The following ATP10B variants were observed in gnomAD, a reference collection of about 807,000 sequenced individuals.
ATP10B encodes ATPase phospholipid transporting 10B (putative), also known as phospholipid-transporting ATPase VB.
In ATP10B, 122 loss-of-function variants were observed where a neutral mutation model predicts 141.2. The ratio of observed to expected loss-of-function variants is 0.86; its 90% CI spans 0.75 to 1.00. The LOEUF is 1.00. Ranked by LOEUF, ATP10B falls within the 50% of genes least tolerant of loss-of-function variation. The pLI, the probability that ATP10B is intolerant of heterozygous loss-of-function variation, is 0.00. For missense variants in ATP10B, 1,876 were observed against 1,825.3 expected, an observed-to-expected ratio of 1.03 and a Z score of -0.51; for synonymous variants, 685 against 692.0, an observed-to-expected ratio of 0.99 and a Z score of 0.16.
chr5:160,603,269 G>T (rs1259143529), intron 20 of ATP10B: 2 of 154,472 alleles, frequency 1.3e-5, no homozygotes, highest in African/African-American at 4.8e-5. Context: ...CTAATTCCCT[G>T]TGCCTCAGTT....
intron 3 of ATP10B, among the ~76,000 whole-genome samples, chr5:160,708,041 A>G (rs188178251): frequency 6.6e-6 from 1 of 152,038 alleles, no homozygotes; most frequent in Admixed American, 6.6e-5. Context: ...TTAAACCTCA[A>G]TTGTTGGCAA....
chr5:160,905,986 C>T, the ATP10B span, among the ~76,000 whole-genome samples: 1 of 152,078 alleles, frequency 6.6e-6, no homozygotes, highest in East Asian at 1.9e-4. Flanking sequence ...TTTCCAGAGA[C>T]CTGCCAATGC....
At chr5:160,867,442 T>C in the ATP10B span, among the ~76,000 whole-genome samples, 4 of 152,150 alleles carry the variant, frequency 2.6e-5, no homozygotes, top group Non-Finnish European at 5.9e-5. Context: ...ATGGCCTAGA[T>C]GTGAGGCATC....
At position 160,563,400 on chromosome 5, in the gene ATP10B, C is replaced by T. The variant is rs141992948; in HGVS notation, c.*2053G>A. ...TGAGAAAGTCCCAGGCAAACTGGGA[C>T]GGTTGGTCCTACAAGAAAAAGAGCA... On this transcript the variant is annotated 3_prime_UTR_variant, in exon 26 of 26. Coordinates refer to ENST00000327245, the MANE Select transcript of ATP10B (RefSeq NM_025153.3). The T allele has an allele frequency of 1.2e-3, 188 of 152,188 alleles. 2 individuals carry two copies. The highest frequency in any genetic ancestry group is 4.0e-3 in the African/African-American group (168 of 41,512). 9.4% of individuals were successfully genotyped at this position (152,188 alleles called of 1,614,324 possible). A position where few individuals can be genotyped will look rare whatever the true frequency, so the allele number is the denominator to read the frequency against.
chr5:160,758,101 T>C (rs1768764268), intron 2 of ATP10B, among the ~76,000 whole-genome samples: 1 of 152,162 alleles, frequency 6.6e-6, no homozygotes, highest in African/African-American at 2.4e-5. Context: ...ATGATCAGAA[T>C]TACCAATAGT....
intron 22 of ATP10B, 77 bp from the exon 23 acceptor site, chr5:160,591,216 TGGCTGC>T: frequency 8.1e-7 from 1 of 1,236,896 alleles, no homozygotes; most frequent in Non-Finnish European, 1.2e-6. Context: ...TTCTTGCATG[TGGCTGC>T]GACAGACAAC....
intron 8 of ATP10B, among the ~76,000 whole-genome samples, chr5:160,648,790 C>G (rs1271631976): frequency 1.3e-5 from 2 of 152,116 alleles, no homozygotes; most frequent in Non-Finnish European, 2.9e-5. Context: ...CCGATTCAAA[C>G]CCAGATCTGT....
intron 2 of ATP10B, among the ~76,000 whole-genome samples, chr5:160,775,249 T>C (rs1213535134): frequency 6.6e-6 from 1 of 152,206 alleles, no homozygotes; most frequent in Non-Finnish European, 1.5e-5. Context: ...GACCTGTATC[T>C]GCCACTGGCC....
chr5:160,748,783 A>G (rs1767968620), intron 2 of ATP10B, among the ~76,000 whole-genome samples: 1 of 152,232 alleles, frequency 6.6e-6, no homozygotes, highest in Non-Finnish European at 1.5e-5. Flanking sequence ...ATGCAGCCAT[A>G]GTAATTCATG....
At chr5:160,628,881 C>T (rs1229518647) in intron 13 of ATP10B, among the ~76,000 whole-genome samples, 2 of 151,882 alleles carry the variant, frequency 1.3e-5, no homozygotes, top group African/African-American at 4.8e-5. Flanking sequence ...CTTAAAGCCA[C>T]AGATTTTATT....
chr5:160,678,440 C>T (rs1256235819), intron 6 of ATP10B, among the ~76,000 whole-genome samples: 3 of 152,172 alleles, frequency 2.0e-5, no homozygotes, highest in Non-Finnish European at 4.4e-5. Flanking sequence ...GGGAGGACCA[C>T]TTGAGGCCAG....
chr5:160,624,308 G>A (rs1282284722), intron 13 of ATP10B, among the ~76,000 whole-genome samples: 3 of 152,156 alleles, frequency 2.0e-5, no homozygotes, highest in Non-Finnish European at 4.4e-5. Context: ...TGCTGGCACA[G>A]GAGAGCCAGA....
intron 21 of ATP10B, among the ~76,000 whole-genome samples, chr5:160,599,421 C>A (rs1385468468): frequency 6.6e-6 from 1 of 152,124 alleles, no homozygotes; most frequent in Non-Finnish European, 1.5e-5. Context: ...TTTTGAATCC[C>A]CAATTCTGTC....
intron 7 of ATP10B, among the ~76,000 whole-genome samples, chr5:160,656,487 G>A (rs2217637): frequency 0.88 from 133,239 of 152,230 alleles, 58,636 homozygotes; most frequent in African/African-American, 0.96. Flanking sequence ...CAAATCCCCT[G>A]TATGCTCCCA....
intron 2 of ATP10B, among the ~76,000 whole-genome samples, chr5:160,779,166 G>A (rs796768393): frequency 2.6e-5 from 4 of 152,298 alleles, no homozygotes; most frequent in African/African-American, 9.6e-5. Context: ...AACACCAGTA[G>A]TGAAAGCCAA....
At position 160,723,171 on chromosome 5, in the gene ATP10B, GCTGA is replaced by G. The variant is rs145115665; in HGVS notation, c.-330-6141_-330-6138del. Among the ~76,000 whole-genome samples the G allele has an allele frequency of 5.8e-3, 884 of 152,288 alleles. 11 individuals are homozygous for G. Among genetic ancestry groups the G allele is most frequent in the African/African-American group, 0.02 (822 of 41,554 alleles). On this transcript the variant is annotated intron_variant, in intron 2 of 25. Transcript: ENST00000327245. ...AAGAGAGATGTCCTGGAAAATCTGGGCTGACTATTTTACCTTTTCATACTTCTAT... is the reference window on the plus strand; with the variant it reads ...AAGAGAGATGTCCTGGAAAATCTGGGCTATTTTACCTTTTCATACTTCTAT...
chr5:160,877,151 A>C, the ATP10B span, among the ~76,000 whole-genome samples: 103 of 152,188 alleles, frequency 6.8e-4, no homozygotes, highest in African/African-American at 2.0e-3. Context: ...TACTGGCAAA[A>C]CGAATCCAGC....
the ATP10B span, among the ~76,000 whole-genome samples, chr5:160,873,895 G>A: frequency 4.6e-5 from 7 of 152,344 alleles, no homozygotes; most frequent in South Asian, 2.1e-4. Flanking sequence ...CACCCACGGA[G>A]TCTCGCTGAT....
intron 15 of ATP10B, among the ~76,000 whole-genome samples, chr5:160,619,170 C>T (rs539097626): frequency 6.6e-6 from 1 of 152,278 alleles, no homozygotes; most frequent in East Asian, 1.9e-4. Flanking sequence ...ACCTGTTTGT[C>T]TTTTACTTGT....
Sources: gnomAD v4.1 joint callset for allele counts (sites outside exome capture counted in the v4.1 genomes callset) on GRCh38, gnomAD v4.1.1 for gene constraint, MANE v1.5 for transcripts, NCBI Gene and HGNC (gene_info 2026-07-23, HGNC 2026-07-21) for gene names.